Variants in CNKSR2 observed in about 807,000 individuals in gnomAD.
CNKSR2 encodes connector enhancer of kinase suppressor of Ras 2, also known as CNK homolog protein 2.
Under a neutral mutation model 84.4 loss-of-function variants are expected in CNKSR2, and 14 were observed. That is an observed-to-expected ratio of 0.17 (90% CI 0.11 to 0.26). The LOEUF (loss-of-function observed/expected upper bound fraction) is 0.26, where lower values mean the gene tolerates loss of function less well. CNKSR2 is among the 10% of genes least tolerant of loss of function. The probability of loss-of-function intolerance (pLI) is 1.00; values close to 1 mark genes in which losing one functional copy is unlikely to be tolerated. For synonymous variants in CNKSR2, 275 were observed against 277.9 expected (o/e 0.99, Z 0.10); for missense variants, 485 against 771.2 (o/e 0.63, Z 4.40).
chrX:21,422,292 C>G (rs1158549111), intron 1 of CNKSR2: 1 of 111,479 alleles, frequency 9.0e-6, no homozygotes, highest in Non-Finnish European at 1.9e-5. Context: ...GCAGCTACTG[C>G]ATGGGTTTCC....
At chrX:21,452,482 A>G (rs936920803) in intron 4 of CNKSR2, among the ~76,000 whole-genome samples, 4 of 111,871 alleles carry the variant, frequency 3.6e-5, no homozygotes, top group Non-Finnish European at 5.6e-5. Context: ...AAAGACCCAT[A>G]TGAATGCTGA....
At chrX:21,595,625 CA>C (rs1333940166) in intron 17 of CNKSR2, among the ~76,000 whole-genome samples, 1 of 110,753 alleles carries the variant, frequency 9.0e-6, no homozygotes, top group Non-Finnish European at 1.9e-5. Context: ...TATACAGACC[CA>C]AAAAAATCTA....
intron 8 of CNKSR2, among the ~76,000 whole-genome samples, chrX:21,513,561 C>T (rs372936102): frequency 6.3e-5 from 7 of 111,677 alleles, no homozygotes; most frequent in African/African-American, 1.6e-4. Context: ...CATCTCTGGA[C>T]GTGGTGGTTC....
At chrX:21,443,271 T>C (rs2090810218) in intron 4 of CNKSR2, among the ~76,000 whole-genome samples, 1 of 111,806 alleles carries the variant, frequency 8.9e-6, no homozygotes, top group African/African-American at 3.2e-5. Flanking sequence ...GGAAGTAAAA[T>C]AGGAACTTTG....
intron 13 of CNKSR2, among the ~76,000 whole-genome samples, chrX:21,564,670 A>G (rs1260557336): frequency 8.9e-6 from 1 of 111,826 alleles, no homozygotes; most frequent in Admixed American, 9.5e-5. Context: ...TTAATAACTT[A>G]CAATTGAGTT....
chrX:21,477,588 C>T (rs1456865822), intron 5 of CNKSR2, among the ~76,000 whole-genome samples: 1 of 111,443 alleles, frequency 9.0e-6, no homozygotes, highest in Non-Finnish European at 1.9e-5. Flanking sequence ...ATTATGTCTT[C>T]TCTGGTATCC....
At chrX:21,378,642 T>G (rs2089854793) in intron 1 of CNKSR2, among the ~76,000 whole-genome samples, 1 of 110,919 alleles carries the variant, frequency 9.0e-6, no homozygotes, top group African/African-American at 3.3e-5. Context: ...TCACACCCAG[T>G]CTTTCCATTT....
intron 5 of CNKSR2, among the ~76,000 whole-genome samples, chrX:21,473,629 GATAAA>G (rs2091224299): frequency 1.9e-5 from 2 of 107,735 alleles, no homozygotes; most frequent in African/African-American, 6.9e-5. Context: ...TTGTTGCTAG[GATAAA>G]ATAAATCAGT....
At chrX:21,459,273 C>T (rs1248645099) in intron 4 of CNKSR2, among the ~76,000 whole-genome samples, 1 of 111,650 alleles carries the variant, frequency 9.0e-6, no homozygotes, top group Non-Finnish European at 1.9e-5. Flanking sequence ...ATTCACCCGC[C>T]TCGGCCTCCC....
intron 20 of CNKSR2, among the ~76,000 whole-genome samples, chrX:21,612,641 C>A (rs939968881): frequency 4.5e-5 from 5 of 112,143 alleles, no homozygotes; most frequent in Admixed American, 9.4e-5. Context: ...ATGTCATCAA[C>A]CAAACCTCTT....
intron 4 of CNKSR2, among the ~76,000 whole-genome samples, chrX:21,461,235 T>C (rs2091057663): frequency 8.9e-6 from 1 of 112,248 alleles, no homozygotes; most frequent in Non-Finnish European, 1.9e-5. Flanking sequence ...TTAACTGGGG[T>C]GAGATGCTAT....
At chrX:21,558,827 A>G (rs978269102) in intron 11 of CNKSR2, among the ~76,000 whole-genome samples, 3 of 111,626 alleles carry the variant, frequency 2.7e-5, no homozygotes, top group Admixed American at 9.6e-5. Flanking sequence ...TTTAATATAT[A>G]TAACATATAG....
At chrX:21,529,108 G>T (rs767947528) in intron 10 of CNKSR2, among the ~76,000 whole-genome samples, 1 of 110,950 alleles carries the variant, frequency 9.0e-6, no homozygotes, top group Non-Finnish European at 1.9e-5. Flanking sequence ...ATATATGTTT[G>T]ATTTGGATGG....
chrX:21,564,165 A>T (rs1170646508), intron 13 of CNKSR2, among the ~76,000 whole-genome samples: 2 of 111,664 alleles, frequency 1.8e-5, no homozygotes, highest in Non-Finnish European at 3.8e-5. Flanking sequence ...ATTGGAGGAA[A>T]TGGCATGAGG....
chrX:21,584,887 G>A (rs1183784243), intron 13 of CNKSR2, among the ~76,000 whole-genome samples: 2 of 110,906 alleles, frequency 1.8e-5, no homozygotes, highest in Non-Finnish European at 3.8e-5. Context: ...GATGAGTTTT[G>A]CATATAGGAA....
rs1318924548 is a variant in CNKSR2 at position 21,611,366 on chromosome X, A to C, written c.2692+1749A>C. Among the ~76,000 whole-genome samples the C allele has an allele frequency of 3.6e-5, 4 of 112,309 alleles. No homozygotes were observed. The East Asian group carries it at 8.4e-4, about 24-fold the overall frequency. ...GTTGAAATTAGGCACAGCCCTCTGA[A>C]ATAGAGAATTCTGTTCAGAAAACAT... On this transcript the variant is annotated intron_variant, in intron 20 of 21. Transcript: ENST00000379510.
chrX:21,543,859 G>C (rs952463749), intron 11 of CNKSR2, among the ~76,000 whole-genome samples: 38 of 108,808 alleles, frequency 3.5e-4, no homozygotes, highest in African/African-American at 1.3e-3. Flanking sequence ...GTCTTGCCCT[G>C]TTACCCAGTC....
At chrX:21,603,421 A>G (rs2092495984) in intron 18 of CNKSR2, among the ~76,000 whole-genome samples, 1 of 112,282 alleles carries the variant, frequency 8.9e-6, no homozygotes, top group African/African-American at 3.2e-5. Context: ...GTACCATTCT[A>G]AGTAATGAAG....
intron 8 of CNKSR2, among the ~76,000 whole-genome samples, chrX:21,511,741 T>C (rs892972547): frequency 8.9e-6 from 1 of 111,788 alleles, no homozygotes; most frequent in Non-Finnish European, 1.9e-5. Context: ...AAGCCTCTTA[T>C]AATCATCTGA....
Sources: gnomAD v4.1 joint callset for allele counts (sites outside exome capture counted in the v4.1 genomes callset) on GRCh38, gnomAD v4.1.1 for gene constraint, MANE v1.5 for transcripts, NCBI Gene and HGNC (gene_info 2026-07-23, HGNC 2026-07-21) for gene names.